The following SCUBE2 variants were observed in gnomAD, a reference collection of about 807,000 sequenced individuals.
SCUBE2 encodes signal peptide, CUB and EGF-like domain-containing protein 2.
Under a neutral mutation model 125.9 loss-of-function variants are expected in SCUBE2, and 114 were observed. The observed-to-expected ratio is 0.91, with a 90% CI of 0.78 to 1.06. The LOEUF is 1.06. SCUBE2 is among the 50% of genes least tolerant of loss of function. The pLI is 0.00. For missense variants in SCUBE2, 1,255 were observed against 1,301.8 expected (o/e 0.96, Z 0.55); for synonymous variants, 459 against 492.9 (o/e 0.93, Z 0.91).
chr11:9,050,716 G>A lies in SCUBE2; in HGVS notation c.1535-6C>T. The A allele has an allele frequency of 6.2e-7, 1 of 1,606,740 alleles. No homozygotes were observed. The highest frequency in any genetic ancestry group is 8.5e-7 in the Non-Finnish European group (1 of 1,173,188). On this transcript the variant is annotated splice_region_variant and splice_polypyrimidine_tract_variant and intron_variant, in intron 13 of 22. Transcript: ENST00000649792. ...TGTCCTGATGGTGGTGACATCTTCAGAAAGAAACAAGTGAGAGATGTTACC... is the reference window on the plus strand; with the variant it reads ...TGTCCTGATGGTGGTGACATCTTCAAAAAGAAACAAGTGAGAGATGTTACC...
intron 17 of SCUBE2, among the ~76,000 whole-genome samples, chr11:9,032,043 T>C (rs914159249): frequency 2.6e-5 from 4 of 152,202 alleles, no homozygotes; most frequent in Non-Finnish European, 5.9e-5. Flanking sequence ...TCATATAATA[T>C]ACTTAGCATA....
At chr11:9,046,501 G>A (rs997339888) in intron 16 of SCUBE2, among the ~76,000 whole-genome samples, 54 of 152,246 alleles carry the variant, frequency 3.5e-4, no homozygotes, top group African/African-American at 1.2e-3. Flanking sequence ...TCCCTGGCCC[G>A]TCCGTGAGGC....
Position 9,065,953 on chromosome 11 carries a change from G to A in SCUBE2, c.788C>T (p.Thr263Ile), listed in dbSNP as rs1860184106. ...CACCACTGATGTGGTGTTGCTCTCT[G>A]TCACCTCCAGGACAGTGTCCTCTCG... ...LEREDTVLEV[T>I]ESNTTSVVDG... Residue 263 changes from threonine to isoleucine, a missense_variant, in exon 7 of 23, where the codon ACA becomes ATA. Physicochemically the swap from Thr to Ile is moderately conservative, Grantham distance 89. Coordinates refer to ENST00000649792, the MANE Select transcript of SCUBE2 (RefSeq NM_001367977.2). 1 of 1,614,002 alleles carries A rather than the reference G, an allele frequency of 6.2e-7. No homozygotes were observed. Among genetic ancestry groups the A allele is most frequent in the African/African-American group, 1.3e-5 (1 of 74,912 alleles).
Position 9,021,050 on chromosome 11 carries a change from T to C in SCUBE2, c.3082A>G (p.Lys1028Glu), listed in dbSNP as rs770120570. ...TGAGTGGCACGTGGGCTGAGTCATT[T>C]GTAAGGTCTCAAAAACCTGGACACT... ...SKVSRFLRPY[K>E] Residue 1028 changes from lysine to glutamate, a missense_variant, in exon 23 of 23, where the codon AAA (lysine) becomes GAA (glutamate). This residue lies in a region of SCUBE2 where 515 missense variants were observed against 515.7 expected (regional missense o/e 1.00). Coordinates refer to ENST00000649792, the MANE Select transcript of SCUBE2 (RefSeq NM_001367977.2). 8.1e-6 allele frequency: 13 copies of C among 1,613,328 alleles called. No homozygotes were observed. The South Asian group carries it at 1.3e-4, about 16-fold the overall frequency.
intron 16 of SCUBE2, among the ~76,000 whole-genome samples, chr11:9,044,298 G>T (rs1297640104): frequency 1.3e-5 from 2 of 152,034 alleles, no homozygotes; most frequent in Non-Finnish European, 1.5e-5. Context: ...TGCCACCCAG[G>T]CTGCAGTGCA....
At chr11:9,053,543 G>A in intron 11 of SCUBE2, 94 bp downstream of exon 11, 1 of 1,432,564 alleles carries the variant, frequency 7.0e-7, no homozygotes, top group South Asian at 1.3e-5. Context: ...TCAGTGGAGG[G>A]ACGGTCAGGT....
At chr11:9,089,610 G>A in intron 2 of SCUBE2, 97 bp downstream of exon 2, 2 of 1,354,932 alleles carry the variant, frequency 1.5e-6, no homozygotes, top group Non-Finnish European at 2.0e-6. Context: ...AAAGGGAGAG[G>A]AGGGGCAGTA....
rs1249050234 is a variant in SCUBE2, at chr11:9,020,422, T to C, written c.*623A>G. 6.6e-6 allele frequency: 1 copy of C among 151,092 alleles called. No homozygotes were observed. The highest frequency in any genetic ancestry group is 2.4e-5 in the African/African-American group (1 of 41,244). The allele number at this position is 151,092 out of a possible 1,614,324, so 9.4% of individuals were successfully genotyped here. ...GAAGTGCTTAGTTTTTATTTATTTC[T>C]AATTCTTTCTGCTTTTTTTTTTCAC... On this transcript the variant is annotated 3_prime_UTR_variant, in exon 23 of 23. Coordinates refer to ENST00000649792, the MANE Select transcript of SCUBE2 (RefSeq NM_001367977.2).
In SCUBE2 at chr11:9,025,740, C is replaced by T. The variant is rs1304594124; in HGVS notation, c.2816G>A (p.Ser939Asn). ...GTATGGGACCTGGAACCCTCTAGCG[C>T]TGTTCCCTTCATTGGACTTGAACTG... ...WIQFKSNEGN[S>N]ARGFQVPYVT... The change falls in exon 21 of 23, where the codon AGC (serine) becomes AAC (asparagine). Residue 939 changes from serine to asparagine, a missense_variant. Transcript: ENST00000649792. 1 of 1,614,076 alleles carries T rather than the reference C, an allele frequency of 6.2e-7. No individual in the cohort carries two copies. Among genetic ancestry groups the T allele is most frequent in the Non-Finnish European group, 8.5e-7 (1 of 1,180,044 alleles).
chr11:9,066,588 G>GT, intron 6 of SCUBE2, 109 bp downstream of exon 6: 1 of 888,862 alleles, frequency 1.1e-6, no homozygotes, highest in Admixed American at 1.8e-5. Flanking sequence ...TGCTGGGGGG[G>GT]CAAATGCACA....
At chr11:9,090,647 TC>T (rs2136054078) in intron 1 of SCUBE2, among the ~76,000 whole-genome samples, 1 of 152,082 alleles carries the variant, frequency 6.6e-6, no homozygotes, top group East Asian at 1.9e-4. Context: ...GCAGATGTCA[TC>T]CAGGGCTCTC....
Position 9,060,432 on chromosome 11 carries a change from G to A in SCUBE2, c.943C>T (p.Gln315Ter). ...CCTTTACATGTCTTCCCATCCAACT[G>A]GAGAGTGAATCCAACAGGACAACTG... ...HCSCPVGFTL[Q>*]LDGKTCKDID... is the part of the protein sequence containing the mutation. The change falls in exon 8 of 23, where the codon CAG becomes TAG. Residue 315 changes from glutamine to a stop codon, truncating the protein, a stop_gained. Transcript: ENST00000649792. LOFTEE classifies it high-confidence loss of function. 1 of 1,613,996 alleles carries A rather than the reference G, an allele frequency of 6.2e-7. No homozygotes were observed. The highest frequency in any genetic ancestry group is 8.5e-7 in the Non-Finnish European group (1 of 1,179,862).
rs1320670298 is a variant in SCUBE2 at position 9,020,701 on chromosome 11, T to A, written c.*344A>T. 5.8e-6 allele frequency: 1 copy of A among 172,986 alleles called. No individual in the cohort carries two copies. The highest frequency in any genetic ancestry group is 2.4e-5 in the African/African-American group (1 of 42,308). 10.7% of individuals were successfully genotyped at this position (172,986 alleles called of 1,614,324 possible). On this transcript the variant is annotated 3_prime_UTR_variant, in exon 23 of 23. Transcript: ENST00000649792. ...GCTTATTCTGTGGCCTCCTTTCCAC[T>A]ACAGACTCCTTGAGGAGGAGTAAGA...
chr11:9,083,882 G>A (rs984509681), intron 2 of SCUBE2, among the ~76,000 whole-genome samples: 3 of 151,836 alleles, frequency 2.0e-5, no homozygotes, highest in Admixed American at 2.0e-4. Context: ...CAAAGTATCA[G>A]TGTTAACTAA....
intron 3 of SCUBE2, among the ~76,000 whole-genome samples, chr11:9,075,556 G>T (rs979806546): frequency 1.3e-5 from 2 of 152,190 alleles, no homozygotes; most frequent in African/African-American, 2.4e-5. Context: ...GACAGACTGG[G>T]GTCACACTGT....
chr11:9,054,725 A>ATTTTTTTT lies in SCUBE2; in HGVS notation c.1208-974_1208-967dup, dbSNP rs1174774188. 4.9e-4 allele frequency among the ~76,000 whole-genome samples: 11 copies of ATTTTTTTT among 22,350 alleles called. 1 individual carries two copies. The highest frequency in any genetic ancestry group is 6.0e-3 in the South Asian group (2 of 334). 14.7% of individuals were successfully genotyped at this position (22,350 alleles called of 152,430 possible). ...TGTATATATATATATATATATATATATTTTTTTTTTTTTTTTTTTTTTTTT... is the reference window on the plus strand; with the variant it reads ...TGTATATATATATATATATATATATATTTTTTTTTTTTTTTTTTTTTTTTTTTTTTTTT... On this transcript the variant is annotated intron_variant, in intron 10 of 22. Coordinates refer to ENST00000649792, the MANE Select transcript of SCUBE2 (RefSeq NM_001367977.2).
Position 9,069,455 on chromosome 11 carries a change from G to A in SCUBE2, c.558C>T (p.His186=). 3 of 1,614,254 alleles carry A rather than the reference G, an allele frequency of 1.9e-6. No individual in the cohort carries two copies. The highest frequency in any genetic ancestry group is 2.2e-5 in the East Asian group (1 of 44,888). Residue 186 remains histidine, a synonymous_variant, in exon 5 of 23, where the codon CAC becomes CAT. Transcript: ENST00000649792. ...TGCCCCTTGGGGCCTCCTTGCAGAT[G>A]TGACTACAGCCGTGATCCTTATTCA... ...SCMNKDHGCS[H]ICKEAPRGSV...
chr11:9,089,595 G>A lies in SCUBE2; in HGVS notation c.256+112C>T, dbSNP rs958500183. 5.0e-6 allele frequency: 6 copies of A among 1,209,070 alleles called. No homozygotes were observed. The African/African-American group carries it at 7.6e-5, about 15-fold the overall frequency. 74.9% of individuals were successfully genotyped at this position (1,209,070 alleles called of 1,614,324 possible). Reference sequence around the variant, plus strand: ...GAGCAGGTGATGTGATTCAGGGGCTGGGGGAAAGGGAGAGGAGGGGCAGTA... The same window carrying A: ...GAGCAGGTGATGTGATTCAGGGGCTAGGGGAAAGGGAGAGGAGGGGCAGTA... On this transcript the variant is annotated intron_variant, in intron 2 of 22. Transcript: ENST00000649792.
intron 21 of SCUBE2, 39 bp from the exon 22 acceptor site, chr11:9,021,994 T>C (rs1467650985): frequency 6.8e-7 from 1 of 1,470,008 alleles, no homozygotes; most frequent in East Asian, 2.3e-5. Flanking sequence ...TCTTATGATT[T>C]AGTTGCTTCC....
Sources: allele counts gnomAD v4.1 joint callset (sites outside exome capture counted in the v4.1 genomes callset), GRCh38; gene constraint gnomAD v4.1.1; regional missense constraint gnomAD v4.1.1; transcripts MANE v1.5; gene names NCBI Gene and HGNC (gene_info 2026-07-23, HGNC 2026-07-21).